The following RBFOX1 variants were observed in gnomAD, a reference collection of about 807,000 sequenced individuals.
RBFOX1 encodes the protein RNA binding fox-1 homolog 1, also known as RNA binding protein fox-1 homolog 1.
In RBFOX1, 8 loss-of-function variants were observed where a neutral mutation model predicts 57.7. That is an observed-to-expected ratio of 0.14 (90% confidence interval 0.08 to 0.25). RBFOX1 has a LOEUF of 0.25. RBFOX1 is among the 10% of genes least tolerant of loss of function. RBFOX1 has a pLI of 1.00. For missense variants in RBFOX1, 611 were observed against 548.5 expected (o/e 1.11, Z -1.14); for synonymous variants, 326 against 222.4 (o/e 1.47, Z -4.15).
rs1336856826 is a variant in RBFOX1, at chr16:6,212,724, C to CA, written c.-126-104268dup. On this transcript the variant is annotated intron_variant, in intron 1 of 15. Coordinates refer to ENST00000550418, the MANE Select transcript of RBFOX1 (RefSeq NM_018723.4). ...TCTGTCAAAAAAACAAACAAACAAACAAACAAAAAAAAAACCCACTAATAT... is the reference window on the plus strand; with the variant it reads ...TCTGTCAAAAAAACAAACAAACAAACAAAACAAAAAAAAAACCCACTAATAT... Among the ~76,000 whole-genome samples the CA allele has an allele frequency of 1.9e-3, 14 of 7,528 alleles. No homozygotes were observed. The Non-Finnish European group carries it at 0.028, about 15-fold the overall frequency. 4.9% of individuals were successfully genotyped at this position (7,528 alleles called of 152,430 possible).
chr16:7,122,880 C>G (rs1049204560), intron 4 of RBFOX1, among the ~76,000 whole-genome samples: 3 of 152,066 alleles, frequency 2.0e-5, no homozygotes, highest in Non-Finnish European at 4.4e-5. Flanking sequence ...AAAGGAGCAA[C>G]TATTGATATA....
rs983568938 is a variant in RBFOX1 at position 6,340,043 on chromosome 16, A to G, written c.-64+22986A>G. ...ATCAGAAATCCTATGTACAGGAACA[A>G]TGGGGATGCAAAAGGTTGGTATCTA... is the stretch of plus-strand genomic sequence containing the variant. On this transcript the variant is annotated intron_variant, in intron 2 of 15. Transcript: ENST00000550418. Among the ~76,000 whole-genome samples the G allele has an allele frequency of 3.9e-5, 6 of 152,268 alleles. No homozygotes were observed. In the South Asian group the frequency reaches 6.2e-4, roughly 16 times the overall value.
intron 4 of RBFOX1, among the ~76,000 whole-genome samples, chr16:7,369,454 G>T (rs181078648): frequency 1.6e-4 from 25 of 152,038 alleles, no homozygotes; most frequent in Non-Finnish European, 3.1e-4. Context: ...ATATGTTCAC[G>T]CATGGAACCA....
intron 4 of RBFOX1, among the ~76,000 whole-genome samples, chr16:5,986,629 C>G (rs1266977467): frequency 6.6e-6 from 1 of 152,196 alleles, no homozygotes; most frequent in East Asian, 1.9e-4. Flanking sequence ...TACATAGAAT[C>G]ACATAGTAGG....
intron 3 of RBFOX1, among the ~76,000 whole-genome samples, chr16:5,801,092 G>A (rs1207955555): frequency 6.6e-6 from 1 of 152,184 alleles, no homozygotes; most frequent in African/African-American, 2.4e-5. Context: ...GCCCCGCCCA[G>A]AGTGTGTACG....
At chr16:6,864,995 C>CT (rs34341448) in intron 3 of RBFOX1, among the ~76,000 whole-genome samples, 14,290 of 82,548 alleles carry the variant, frequency 0.17, 1,400 homozygotes, top group Non-Finnish European at 0.2. Flanking sequence ...TTTTCTTTTT[C>CT]TTTTTTTTTT....
chr16:5,539,943 T>C (rs1208527248), intron 2 of RBFOX1, among the ~76,000 whole-genome samples: 2 of 152,214 alleles, frequency 1.3e-5, no homozygotes, highest in Non-Finnish European at 2.9e-5. Context: ...GGGTTTTGGC[T>C]TTGACAGGGT....
At chr16:7,092,001 C>T (rs2060941941) in intron 4 of RBFOX1, among the ~76,000 whole-genome samples, 1 of 152,074 alleles carries the variant, frequency 6.6e-6, no homozygotes, top group African/African-American at 2.4e-5. Context: ...AATACACGTG[C>T]CCTTTGTAGT....
intron 2 of RBFOX1, among the ~76,000 whole-genome samples, chr16:6,555,595 G>C (rs1242686216): frequency 6.6e-6 from 1 of 152,114 alleles, no homozygotes; most frequent in African/African-American, 2.4e-5. Flanking sequence ...AGCTACTCAG[G>C]AGGCTGAGGC....
At chr16:5,359,638 T>C (rs901914210) in intron 1 of RBFOX1, among the ~76,000 whole-genome samples, 6 of 152,276 alleles carry the variant, frequency 3.9e-5, no homozygotes, top group African/African-American at 1.2e-4. Context: ...TTCAAATCTT[T>C]TGCCTATTTT....
chr16:7,130,463 GT>G (rs2151959895), intron 4 of RBFOX1, among the ~76,000 whole-genome samples: 1 of 152,314 alleles, frequency 6.6e-6, no homozygotes, highest in East Asian at 1.9e-4. Flanking sequence ...TTAGGCAAAA[GT>G]GATCATCTCT....
chr16:6,018,054 G>C (rs1220335029), upstream of RBFOX1, among the ~76,000 whole-genome samples: 2 of 152,194 alleles, frequency 1.3e-5, no homozygotes, highest in Non-Finnish European at 1.5e-5. Flanking sequence ...GGGAGTCCTG[G>C]TTCCTTGCCA....
chr16:7,582,135 C>T (rs1285981063), intron 6 of RBFOX1, among the ~76,000 whole-genome samples: 1 of 151,404 alleles, frequency 6.6e-6, no homozygotes, highest in African/African-American at 2.4e-5. Flanking sequence ...TCAAGCGATT[C>T]TTGTGCCTCA....
At chr16:7,654,388 G>C (rs1181125306) in intron 12 of RBFOX1, among the ~76,000 whole-genome samples, 1 of 152,120 alleles carries the variant, frequency 6.6e-6, no homozygotes, top group Non-Finnish European at 1.5e-5. Context: ...GGATATCTTG[G>C]CTTCAAGGGT....
At chr16:7,603,298 C>G (rs888250220) in intron 9 of RBFOX1, among the ~76,000 whole-genome samples, 1 of 152,080 alleles carries the variant, frequency 6.6e-6, no homozygotes, top group Non-Finnish European at 1.5e-5. Flanking sequence ...TAGAGAAAAA[C>G]CAAGTAAATA....
chr16:6,536,622 G>A (rs752895887), intron 2 of RBFOX1, among the ~76,000 whole-genome samples: 7 of 152,034 alleles, frequency 4.6e-5, no homozygotes, highest in Non-Finnish European at 1.0e-4. Context: ...ATAGTTGGCA[G>A]CAAACAGAAG....
chr16:6,128,173 AATT>A lies in RBFOX1; in HGVS notation c.-127+108185_-127+108187del, dbSNP rs1285179139. On this transcript the variant is annotated intron_variant, in intron 1 of 15. Transcript: ENST00000550418. ...AAAATATCTTGACAATTTTTGTATC[AATT>A]ATTCAATAGAATAAACTTTTGATAT... Among the ~76,000 whole-genome samples, 4 of 152,196 alleles carry A rather than the reference AATT, an allele frequency of 2.6e-5. No individual in the cohort carries two copies. In the East Asian group the frequency reaches 7.7e-4, roughly 29 times the overall value.
chr16:7,451,348 T>G (rs984854149), intron 4 of RBFOX1, among the ~76,000 whole-genome samples: 2 of 152,322 alleles, frequency 1.3e-5, no homozygotes, highest in East Asian at 1.9e-4. Context: ...AGTAATTTAT[T>G]TTGATTGAGA....
At chr16:5,398,498 G>A (rs781346345) in intron 1 of RBFOX1, among the ~76,000 whole-genome samples, 1 of 152,000 alleles carries the variant, frequency 6.6e-6, no homozygotes, top group Non-Finnish European at 1.5e-5. Flanking sequence ...GCTTGTGGGT[G>A]TGCATGTGAG....
Sources: gnomAD v4.1 joint callset for allele counts (sites outside exome capture counted in the v4.1 genomes callset) on GRCh38, gnomAD v4.1.1 for gene constraint, MANE v1.5 for transcripts, NCBI Gene and HGNC (gene_info 2026-07-23, HGNC 2026-07-21) for gene names.